The following ANTXR2 variants were observed in gnomAD, a reference collection of about 807,000 sequenced individuals.
ANTXR2 encodes ANTXR cell adhesion molecule 2.
Under a neutral mutation model 73.7 loss-of-function variants are expected in ANTXR2, and 44 were observed. The ratio of observed to expected loss-of-function variants is 0.60; its 90% CI spans 0.47 to 0.77. ANTXR2 has a LOEUF of 0.77. Ranked by LOEUF, ANTXR2 falls within the 30% of genes least tolerant of loss-of-function variation. The pLI, the probability that ANTXR2 is intolerant of heterozygous loss-of-function variation, is 0.00. For synonymous variants in ANTXR2, 217 were observed against 205.9 expected (o/e 1.05, Z -0.46); for missense variants, 604 against 592.5 (o/e 1.02, Z -0.20).
intron 11 of ANTXR2, among the ~76,000 whole-genome samples, chr4:80,010,590 C>A (rs1009991609): frequency 6.6e-6 from 1 of 152,136 alleles, no homozygotes; most frequent in African/African-American, 2.4e-5. Flanking sequence ...TAAGGACATG[C>A]AACTAGAGGC....
At position 79,901,476 on chromosome 4, in the gene ANTXR2, A is replaced by T. The variant is rs770910264; in HGVS notation, c.*5953T>A. ...ACCTTGCCTTTTAGTTCATGGAGACAATGCATATCTTTTTCATAGTCTACA... is the reference window on the plus strand; with the variant it reads ...ACCTTGCCTTTTAGTTCATGGAGACTATGCATATCTTTTTCATAGTCTACA... On this transcript the variant is annotated 3_prime_UTR_variant, in exon 17 of 17. Transcript: ENST00000403729. 8 of 149,266 alleles carry T rather than the reference A, an allele frequency of 5.4e-5. No homozygotes were observed. The highest frequency in any genetic ancestry group is 1.2e-4 in the Non-Finnish European group (8 of 67,606). 9.2% of individuals were successfully genotyped at this position (149,266 alleles called of 1,614,324 possible).
intron 7 of ANTXR2, among the ~76,000 whole-genome samples, chr4:80,051,954 C>T (rs1183183571): frequency 6.6e-6 from 1 of 151,108 alleles, no homozygotes; most frequent in African/African-American, 2.4e-5. Context: ...ACAAACAAAA[C>T]AATAAAAACC....
chr4:80,034,501 C>T (rs1732861400), intron 8 of ANTXR2, among the ~76,000 whole-genome samples: 1 of 152,098 alleles, frequency 6.6e-6, no homozygotes, highest in African/African-American at 2.4e-5. Flanking sequence ...TGGAAGTAAA[C>T]CAAAGAAAGT....
At chr4:79,913,911 C>G (rs1350644689) in intron 16 of ANTXR2, among the ~76,000 whole-genome samples, 1 of 152,092 alleles carries the variant, frequency 6.6e-6, no homozygotes, top group Non-Finnish European at 1.5e-5. Flanking sequence ...TTTGTCTGTG[C>G]TAAAAATGTA....
Position 80,054,280 on chromosome 4 carries a change from T to C in ANTXR2, c.628A>G (p.Ile210Val), listed in dbSNP as rs752382047. Residue 210 changes from isoleucine to valine, a missense_variant, in exon 7 of 17, where the codon ATT becomes GTT. Physicochemically the swap from Ile to Val is conservative, Grantham distance 29 (BLOSUM62 3). Coordinates refer to ENST00000403729, the MANE Select transcript of ANTXR2 (RefSeq NM_058172.6). ...CCCAGAGAAATACTCACAGAATTAA[T>C]TATTCCTTTAAGAGCCTGAAATCCA... ...KGGFQALKGI[I>V]NSILAQSCTE... 1.1e-5 allele frequency: 18 copies of C among 1,596,168 alleles called. No individual in the cohort carries two copies. In the Admixed American group the frequency reaches 1.2e-4, roughly 11 times the overall value.
At chr4:79,928,596 A>G (rs1315947277) in intron 16 of ANTXR2, among the ~76,000 whole-genome samples, 2 of 152,184 alleles carry the variant, frequency 1.3e-5, no homozygotes, top group Admixed American at 1.3e-4. Context: ...AATTCATAAA[A>G]TGGAGTAATA....
intron 16 of ANTXR2, among the ~76,000 whole-genome samples, chr4:79,908,042 A>G (rs961540974): frequency 6.6e-6 from 1 of 152,186 alleles, no homozygotes; most frequent in Non-Finnish European, 1.5e-5. Context: ...GCACTTACAC[A>G]TTTCTAAAGA....
intron 7 of ANTXR2, among the ~76,000 whole-genome samples, chr4:80,037,043 C>T (rs1282464762): frequency 6.6e-6 from 1 of 152,070 alleles, no homozygotes; most frequent in Non-Finnish European, 1.5e-5. Context: ...CAGAAACCAC[C>T]ACACAAGGGA....
intron 7 of ANTXR2, among the ~76,000 whole-genome samples, chr4:80,041,300 T>A (rs868045519): frequency 3.9e-5 from 6 of 152,032 alleles, no homozygotes; most frequent in African/African-American, 9.7e-5. Context: ...AAAATCTAAC[T>A]CTTAACAAAC....
chr4:80,069,856 G>A (rs1256933525), intron 2 of ANTXR2, among the ~76,000 whole-genome samples: 1 of 152,138 alleles, frequency 6.6e-6, no homozygotes, highest in African/African-American at 2.4e-5. Flanking sequence ...AGGTGGCCAG[G>A]CCCTTCAAAG....
In ANTXR2 at chr4:80,072,421, A is replaced by C; in HGVS notation, c.140T>G (p.Phe47Cys). 6.2e-7 allele frequency: 1 copy of C among 1,605,054 alleles called. No individual in the cohort carries two copies. Among genetic ancestry groups the C allele is most frequent in the East Asian group, 2.3e-5 (1 of 43,718 alleles). ...CTCGCACACTCACTTGTCCAGGACGAAGTAGAGATCAAAGGCTCTTCTGCA... is the reference window on the plus strand; with the variant it reads ...CTCGCACACTCACTTGTCCAGGACGCAGTAGAGATCAAAGGCTCTTCTGCA... The part of the protein sequence containing the change: ...PSCRRAFDLY[F>C]VLDKSGSVAN... The change falls in exon 1 of 17, where the codon TTC becomes TGC. Residue 47 changes from phenylalanine to cysteine, a missense_variant. Physicochemically the swap from Phe to Cys is radical, Grantham distance 205. Coordinates refer to ENST00000403729, the MANE Select transcript of ANTXR2 (RefSeq NM_058172.6).
intron 12 of ANTXR2, among the ~76,000 whole-genome samples, chr4:79,997,027 G>A (rs1013577539): frequency 1.1e-4 from 17 of 150,744 alleles, no homozygotes; most frequent in Admixed American, 3.3e-4. Context: ...TTAGCTGCTA[G>A]AATGAAGATT....
chr4:79,919,913 ATATATAT>A (rs1727524737), intron 16 of ANTXR2, among the ~76,000 whole-genome samples: 89 of 18,418 alleles, frequency 4.8e-3, no homozygotes, highest in Non-Finnish European at 6.4e-3. Flanking sequence ...ATATATATAT[ATATATAT>A]AAAAAATGAT....
At chr4:79,918,441 A>G (rs950645297) in intron 16 of ANTXR2, among the ~76,000 whole-genome samples, 3 of 151,082 alleles carry the variant, frequency 2.0e-5, no homozygotes, top group African/African-American at 4.9e-5. Context: ...TCATGAAAGC[A>G]TAACTCTTTC....
chr4:79,909,233 CT>C (rs1342320240), intron 16 of ANTXR2, among the ~76,000 whole-genome samples: 50 of 152,178 alleles, frequency 3.3e-4, no homozygotes, highest in African/African-American at 1.2e-3. Flanking sequence ...TAATAGTTTT[CT>C]CTTTTCTGTA....
At chr4:80,011,776 A>G (rs925641049) in intron 11 of ANTXR2, among the ~76,000 whole-genome samples, 5 of 152,218 alleles carry the variant, frequency 3.3e-5, no homozygotes, top group African/African-American at 7.2e-5. Flanking sequence ...CATGACTAAC[A>G]TCTTTCTTGC....
chr4:79,924,879 C>T (rs1395302954), intron 16 of ANTXR2, among the ~76,000 whole-genome samples: 1 of 152,044 alleles, frequency 6.6e-6, no homozygotes, highest in African/African-American at 2.4e-5. Context: ...CAGTACAATG[C>T]CATAATAAAA....
chr4:79,924,970 T>C (rs1383512981), intron 16 of ANTXR2, among the ~76,000 whole-genome samples: 1 of 152,176 alleles, frequency 6.6e-6, no homozygotes, highest in African/African-American at 2.4e-5. Flanking sequence ...ATGTAACATT[T>C]TGTTTGAATG....
chr4:80,019,863 T>A (rs1253351310), intron 10 of ANTXR2, among the ~76,000 whole-genome samples: 1 of 152,208 alleles, frequency 6.6e-6, no homozygotes, highest in South Asian at 2.1e-4. Flanking sequence ...TTTGAAAATA[T>A]GATTTCAAAT....
Sources: gnomAD v4.1 joint callset for allele counts (sites outside exome capture counted in the v4.1 genomes callset) on GRCh38, gnomAD v4.1.1 for gene constraint, MANE v1.5 for transcripts, NCBI Gene and HGNC (gene_info 2026-07-23, HGNC 2026-07-21) for gene names.